The following MGLL variants were observed in gnomAD, a reference collection of about 807,000 sequenced individuals.
The protein encoded by MGLL is monoglyceride lipase.
In MGLL, 7 loss-of-function variants were observed where a neutral mutation model predicts 29.1. That is an observed-to-expected ratio of 0.24 (90% CI 0.14 to 0.45). The LOEUF (loss-of-function observed/expected upper bound fraction) is 0.45, where lower values mean the gene tolerates loss of function less well. Ranked by LOEUF, MGLL falls within the 20% of genes least tolerant of loss-of-function variation. The pLI, the probability that MGLL is intolerant of heterozygous loss-of-function variation, is 0.99. For synonymous variants in MGLL, 148 were observed against 168.3 expected, an observed-to-expected ratio of 0.88 and a Z score of 0.93; for missense variants, 356 against 413.6, an observed-to-expected ratio of 0.86 and a Z score of 1.21.
At chr3:127,755,169 A>G (rs1183656928) in intron 3 of MGLL, among the ~76,000 whole-genome samples, 1 of 152,208 alleles carries the variant, frequency 6.6e-6, no homozygotes, top group Non-Finnish European at 1.5e-5. Flanking sequence ...CAGAGAGAAA[A>G]GGAGAAGATA....
intron 6 of MGLL, among the ~76,000 whole-genome samples, chr3:127,699,943 G>C (rs911997383): frequency 6.6e-6 from 1 of 152,162 alleles, no homozygotes; most frequent in African/African-American, 2.4e-5. Context: ...ATACAACCCA[G>C]CAGGCTTCAT....
At chr3:127,801,945 G>C (rs1305665540) in intron 2 of MGLL, among the ~76,000 whole-genome samples, 1 of 151,988 alleles carries the variant, frequency 6.6e-6, no homozygotes, top group African/African-American at 2.4e-5. Flanking sequence ...GGCCCACACA[G>C]CTCACAGCCC....
At chr3:127,794,502 A>G (rs746397183) in intron 2 of MGLL, among the ~76,000 whole-genome samples, 20 of 152,180 alleles carry the variant, frequency 1.3e-4, no homozygotes, top group Non-Finnish European at 2.8e-4. Flanking sequence ...GTCTTCTATG[A>G]TGTAAGGCTG....
At chr3:127,722,402 T>A in intron 4 of MGLL, 28 bp downstream of exon 4, 1 of 1,614,010 alleles carries the variant, frequency 6.2e-7, no homozygotes, top group South Asian at 1.1e-5. Context: ...AGGGTGGATT[T>A]AACCTGGGTC....
chr3:127,792,301 G>A (rs1559973418), intron 2 of MGLL, among the ~76,000 whole-genome samples: 1 of 152,218 alleles, frequency 6.6e-6, no homozygotes, highest in Non-Finnish European at 1.5e-5. Flanking sequence ...ACAGGGGTTC[G>A]AGAAAGGCTG....
intron 3 of MGLL, among the ~76,000 whole-genome samples, chr3:127,756,056 G>A (rs1359068800): frequency 6.6e-6 from 1 of 152,220 alleles, no homozygotes; most frequent in Admixed American, 6.5e-5. Flanking sequence ...GGCTTCTTAA[G>A]TGGAAGATAG....
intron 7 of MGLL, 62 bp from the exon 8 acceptor site, chr3:127,692,385 G>A (rs537412736): frequency 4.4e-6 from 7 of 1,604,608 alleles, no homozygotes; most frequent in Middle Eastern, 1.7e-4. Flanking sequence ...AGGGAGCGGA[G>A]ACCGTGGGCA....
intron 3 of MGLL, chr3:127,735,706 T>G (rs540233509): frequency 6.3e-7 from 1 of 1,597,672 alleles, no homozygotes; most frequent in African/African-American, 1.3e-5. Context: ...TGAACATACC[T>G]GGCAAAAGGT....
Position 127,705,646 on chromosome 3 carries a change from C to T in MGLL, c.600+4930G>A, listed in dbSNP as rs185882182. 1.2e-3 allele frequency among the ~76,000 whole-genome samples: 178 copies of T among 151,816 alleles called. 1 individual carries two copies. Among genetic ancestry groups the T allele is most frequent in the Middle Eastern group, 3.4e-3 (1 of 294 alleles). ...ATGAAATTAGCCTGGTGTGGTGGCACGCGCCTGTAATCCCAGCTACTCAGG... is the reference window on the plus strand; with the variant it reads ...ATGAAATTAGCCTGGTGTGGTGGCATGCGCCTGTAATCCCAGCTACTCAGG... On this transcript the variant is annotated intron_variant, in intron 6 of 7. Coordinates refer to ENST00000265052, the MANE Select transcript of MGLL (RefSeq NM_007283.7).
intron 3 of MGLL, among the ~76,000 whole-genome samples, chr3:127,764,688 T>C (rs1559954726): frequency 6.6e-6 from 1 of 152,236 alleles, no homozygotes; most frequent in Non-Finnish European, 1.5e-5. Flanking sequence ...AGAATTCTTA[T>C]AAATACTCCA....
intron 2 of MGLL, among the ~76,000 whole-genome samples, chr3:127,816,930 G>T (rs150915258): frequency 5.9e-5 from 9 of 152,198 alleles, no homozygotes; most frequent in African/African-American, 2.2e-4. Flanking sequence ...GTCCATCCAC[G>T]GCCTGTGTTC....
Position 127,739,763 on chromosome 3 carries a change from G to C in MGLL, c.263-17197C>G, listed in dbSNP as rs546018968. ...TCTTACATGGACAACTGGATGCCAC[G>C]CAGGGGTGTGGACCAGTGGTACTGT... On this transcript the variant is annotated intron_variant, in intron 3 of 7. Transcript: ENST00000265052. Among the ~76,000 whole-genome samples, 3 of 152,334 alleles carry C rather than the reference G, an allele frequency of 2.0e-5. 1 individual carries two copies. In the South Asian group the frequency reaches 6.2e-4, roughly 32 times the overall value.
chr3:127,709,374 GC>G (rs1319093434), intron 6 of MGLL, among the ~76,000 whole-genome samples: 2 of 152,194 alleles, frequency 1.3e-5, no homozygotes, highest in African/African-American at 4.8e-5. Context: ...CTCATGGCTT[GC>G]TAGAATCTCT....
At chr3:127,742,979 T>C (rs11719199) in intron 3 of MGLL, among the ~76,000 whole-genome samples, 10,622 of 152,312 alleles carry the variant, frequency 0.07, 432 homozygotes, top group South Asian at 0.12. Context: ...CATGCCCGTG[T>C]AATTTTTGTA....
At chr3:127,724,622 T>C (rs2075996747) in intron 3 of MGLL, among the ~76,000 whole-genome samples, 2 of 152,184 alleles carry the variant, frequency 1.3e-5, no homozygotes, top group Admixed American at 1.3e-4. Flanking sequence ...GTGTTGAATT[T>C]TTGAGGCATG....
chr3:127,813,548 C>A (rs907874518), intron 2 of MGLL, among the ~76,000 whole-genome samples: 2 of 152,186 alleles, frequency 1.3e-5, no homozygotes, highest in African/African-American at 4.8e-5. Flanking sequence ...TTAAATTGAT[C>A]AGAAGAAGGC....
At chr3:127,697,529 G>A (rs960758640) in intron 6 of MGLL, among the ~76,000 whole-genome samples, 1 of 152,164 alleles carries the variant, frequency 6.6e-6, no homozygotes, top group African/African-American at 2.4e-5. Context: ...CCCAATTCTT[G>A]TTCTGCCCTA....
At chr3:127,779,492 A>G (rs1287393397) in intron 3 of MGLL, among the ~76,000 whole-genome samples, 1 of 151,322 alleles carries the variant, frequency 6.6e-6, no homozygotes, top group East Asian at 1.9e-4. Flanking sequence ...CAGGCTTTAG[A>G]ACCAGCCTTT....
intron 6 of MGLL, among the ~76,000 whole-genome samples, chr3:127,699,928 G>A (rs1050669522): frequency 1.3e-5 from 2 of 152,194 alleles, no homozygotes; most frequent in Non-Finnish European, 2.9e-5. Flanking sequence ...CCTAATCACA[G>A]AGAAATACAA....
Sources: allele counts gnomAD v4.1 joint callset (sites outside exome capture counted in the v4.1 genomes callset), GRCh38; gene constraint gnomAD v4.1.1; transcripts MANE v1.5; gene names NCBI Gene and HGNC (gene_info 2026-07-23, HGNC 2026-07-21).